The following TSR1 variants were observed in gnomAD, a reference collection of about 807,000 sequenced individuals.
TSR1 encodes the protein pre-rRNA-processing protein TSR1 homolog.
TSR1 carries 81 observed loss-of-function variants against 90.9 expected under a neutral mutation model. That is an observed-to-expected ratio of 0.89 (90% CI 0.74 to 1.07). The LOEUF is 1.07. Among genes scored for constraint, TSR1 ranks in the 50% least tolerant of loss-of-function variants. TSR1 has a pLI of 0.00. For synonymous variants in TSR1, 362 were observed against 348.8 expected (o/e 1.04, Z -0.42); for missense variants, 989 against 987.3 (o/e 1.00, Z -0.02).
At chr17:2,326,595 G>C (rs977542353) in intron 11 of TSR1, among the ~76,000 whole-genome samples, 7 of 152,092 alleles carry the variant, frequency 4.6e-5, no homozygotes, top group Non-Finnish European at 1.0e-4. Context: ...ATCTAGGCTA[G>C]ACTGTATTTG....
At position 2,324,783 on chromosome 17, in the gene TSR1, T is replaced by C; in HGVS notation, c.2067A>G (p.Pro689=). ...IATGHLMSVD[P]DRMVIKRVVL... ...CAACTCTCTTGATGACCATTCTGTC[T>C]GGATCTACTGACATAAGATGGCCTG... The change falls in exon 13 of 15, where the codon CCA becomes CCG. Residue 689 remains proline, a synonymous_variant. Transcript: ENST00000301364. 6.2e-7 allele frequency: 1 copy of C among 1,614,182 alleles called. No homozygotes were observed. Among genetic ancestry groups the C allele is most frequent in the Non-Finnish European group, 8.5e-7 (1 of 1,180,016 alleles).
rs1408580750 is a variant in TSR1 at position 2,336,390 on chromosome 17, T to C, written c.38A>G (p.Asn13Ser). ...AHRPGPLKQQ[N>S]KAHKGGRHRG... ...ATGCCGTCCGCCTTTATGAGCTTTA[T>C]TCTGCTGCTTGAGCGGGCCGGGGCG... Residue 13 changes from asparagine to serine, a missense_variant, in exon 1 of 15, where the codon AAT (asparagine) becomes AGT (serine). Coordinates refer to ENST00000301364, the MANE Select transcript of TSR1 (RefSeq NM_018128.5). The C allele has an allele frequency of 1.9e-6, 3 of 1,613,096 alleles. No homozygotes were observed. The highest frequency in any genetic ancestry group is 2.5e-6 in the Non-Finnish European group (3 of 1,180,042).
chr17:2,335,393 C>T lies in TSR1; in HGVS notation c.423G>A (p.Gly141=). ...CCATGTCTAACACAACGTGCAGATCCCCTGCAGATAGAAGACACAGTAAGA... is the reference window on the plus strand; with the variant it reads ...CCATGTCTAACACAACGTGCAGATCTCCTGCAGATAGAAGACACAGTAAGA... ...HRWFFTSARP[G]DLHVVLDMAK... is the part of the protein sequence containing the mutation. The change falls in exon 4 of 15, where the codon GGG becomes GGA. Residue 141 remains glycine, a splice_region_variant and synonymous_variant. Coordinates refer to ENST00000301364, the MANE Select transcript of TSR1 (RefSeq NM_018128.5). The T allele has an allele frequency of 6.2e-7, 1 of 1,613,318 alleles. No individual in the cohort carries two copies. Among genetic ancestry groups the T allele is most frequent in the Non-Finnish European group, 8.5e-7 (1 of 1,179,858 alleles).
chr17:2,327,890 TC>T (rs1944778664), intron 11 of TSR1, among the ~76,000 whole-genome samples: 2 of 152,040 alleles, frequency 1.3e-5, no homozygotes, highest in South Asian at 4.1e-4. Context: ...TTCCTTATTT[TC>T]CCAACTGTAT....
rs199693978 is a variant in TSR1 at position 2,324,397 on chromosome 17, C to T, written c.2237-23G>A. 7.8e-5 allele frequency: 124 copies of T among 1,592,480 alleles called. 1 individual carries two copies. In the African/African-American group the frequency reaches 1.0e-3, roughly 13 times the overall value. On this transcript the variant is annotated intron_variant, in intron 14 of 14. Coordinates refer to ENST00000301364, the MANE Select transcript of TSR1 (RefSeq NM_018128.5). ...TACCTAGAAAGACATCAGAACAAGT[C>T]GGTCAAATTAAAAGTAGAAAATTTT...
chr17:2,329,032 G>A (rs1162686419), intron 11 of TSR1: 2 of 506,108 alleles, frequency 4.0e-6, no homozygotes, highest in Non-Finnish European at 7.6e-6. Context: ...TTACAGGTGT[G>A]AACCACTGCA....
Position 2,336,084 on chromosome 17 carries a change from C to A in TSR1, c.154G>T (p.Asp52Tyr). The change falls in exon 2 of 15, where the codon GAC becomes TAC. Residue 52 changes from aspartate (D) to tyrosine (Y), a missense_variant. Asp to Tyr is a radical substitution (Grantham distance 160). Transcript: ENST00000301364. ...AGCTGGCTGGCGCGATGCCTCTGGT[C>A]GACTCTGCTGAGTTCTTTTCTCACC... ...KKVRKELSRVDQRHRASQLRK... is the reference protein window; with the variant it reads ...KKVRKELSRVYQRHRASQLRK... The A allele has an allele frequency of 5.0e-6, 8 of 1,614,204 alleles. No homozygotes were observed. Among genetic ancestry groups the A allele is most frequent in the Non-Finnish European group, 6.8e-6 (8 of 1,180,038 alleles).
intron 11 of TSR1, 28 bp downstream of exon 11, chr17:2,329,315 A>G (rs945155085): frequency 1.1e-5 from 18 of 1,612,930 alleles, no homozygotes; most frequent in Non-Finnish European, 1.4e-5. Flanking sequence ...GACAAGATGG[A>G]CAAGAACCCA....
In TSR1 at chr17:2,325,326, C is replaced by T. The variant is rs377350286; in HGVS notation, c.1998G>A (p.Leu666=). 5 of 1,612,372 alleles carry T rather than the reference C, an allele frequency of 3.1e-6. No individual in the cohort carries two copies. The African/African-American group carries it at 5.3e-5, about 17-fold the overall frequency. Residue 666 remains leucine, a synonymous_variant, in exon 12 of 15, where the codon CTG becomes CTA. Transcript: ENST00000301364. ...APITFPPASV[L]LFKQKSNGMH... is the part of the protein sequence containing the mutation. ...TACCATTGCTTTTTTGCTTGAAAAG[C>T]AGCACAGATGCAGGAGGAAAAGTGA...
At chr17:2,325,447 G>C (rs1283879045) in intron 11 of TSR1, 27 bp from the exon 12 acceptor site, 1 of 1,576,386 alleles carries the variant, frequency 6.3e-7, no homozygotes, top group Non-Finnish European at 8.7e-7. Context: ...AAAATGAAAA[G>C]CAAAACCATT....
chr17:2,333,477 T>C (rs2064022250), intron 6 of TSR1, 80 bp downstream of exon 6: 2 of 1,571,980 alleles, frequency 1.3e-6, no homozygotes. Flanking sequence ...CTCTATCCTA[T>C]AGGGCCCTCA....
chr17:2,335,537 C>G lies in TSR1; in HGVS notation c.395G>C (p.Arg132Pro), dbSNP rs113586274. ...TGGCCTTGCTGAGGTGAAAAACCAC[C>G]GATGTTTCAAGCGGGGGCACAGCAG... Reference protein sequence around the residue: ...FMLLCPRLKHRWFFTSARPGD... With the variant: ...FMLLCPRLKHPWFFTSARPGD... Residue 132 changes from arginine to proline, a missense_variant, in exon 3 of 15, where the codon CGG (arginine) becomes CCG (proline). Arg to Pro is a moderately radical substitution (Grantham distance 103, BLOSUM62 -2). Transcript: ENST00000301364. 3.7e-6 allele frequency: 6 copies of G among 1,613,902 alleles called. No individual in the cohort carries two copies. The African/African-American group carries it at 6.7e-5, about 18-fold the overall frequency.
chr17:2,336,122 G>C lies in TSR1; in HGVS notation c.116C>G (p.Thr39Ser). The change falls in exon 2 of 15, where the codon ACC (threonine) becomes AGC (serine). Residue 39 changes from threonine (T) to serine (S), a missense_variant. Thr to Ser is a moderately conservative substitution (Grantham distance 58). Transcript: ENST00000301364. ...RDGKGRLALK[T>S]LSKKVRKELS... ...TTCTTTTCTCACCTTCTTGCTTAGG[G>C]TTTTCAGTGCCAGACGGCCTGAATG... 1.9e-6 allele frequency: 3 copies of C among 1,614,218 alleles called. No homozygotes were observed. The highest frequency in any genetic ancestry group is 2.5e-6 in the Non-Finnish European group (3 of 1,180,044).
In TSR1 at chr17:2,334,894, G is replaced by A. The variant is rs1183864636; in HGVS notation, c.559C>T (p.Leu187=). 2.5e-6 allele frequency: 4 copies of A among 1,607,970 alleles called. No individual in the cohort carries two copies. Residue 187 remains leucine, a splice_region_variant and synonymous_variant, in exon 5 of 15, where the codon CTA becomes TTA. Coordinates refer to ENST00000301364, the MANE Select transcript of TSR1 (RefSeq NM_018128.5). ...AGGCCAGAAATCCCCTGGACAGCTA[G>A]TGCTGTAAGCGAAAGAGAAAACGCT... is the stretch of plus-strand genomic sequence containing the variant. The part of the protein sequence containing the change: ...LFAQGLPTYT[L]AVQGISGLPL...
At position 2,336,356 on chromosome 17, in the gene TSR1, C is replaced by T. The variant is rs1486890454; in HGVS notation, c.72G>A (p.Arg24=). 5.0e-6 allele frequency: 8 copies of T among 1,613,990 alleles called. No individual in the cohort carries two copies. Among genetic ancestry groups the T allele is most frequent in the Admixed American group, 3.3e-5 (2 of 60,032 alleles). Residue 24 remains arginine (R), a synonymous_variant, in exon 1 of 15, where the codon CGG becomes CGA. Transcript: ENST00000301364. The part of the protein sequence containing the change: ...KAHKGGRHRG[R]GSAQRDGKGR... ...CCTTGCCGTCCCGCTGTGCAGATCC[C>T]CGACCCCGATGCCGTCCGCCTTTAT...
intron 1 of TSR1, 43 bp from the exon 2 acceptor site, chr17:2,336,183 A>AG (rs764591099): frequency 1.9e-5 from 30 of 1,607,012 alleles, no homozygotes; most frequent in Non-Finnish European, 6.8e-6. Context: ...CGGCCCCACA[A>AG]GGTCAAGAAA....
chr17:2,323,600 G>A lies in TSR1; in HGVS notation c.*596C>T. The A allele has an allele frequency of 6.3e-7, 1 of 1,575,988 alleles. No homozygotes were observed. The highest frequency in any genetic ancestry group is 8.7e-7 in the Non-Finnish European group (1 of 1,147,256). ...CACGTATTCTCATCTGAACTTTATA[G>A]GTAAACCAACTAGACTCCCCTTTCA... On this transcript the variant is annotated 3_prime_UTR_variant, in exon 15 of 15. Coordinates refer to ENST00000301364, the MANE Select transcript of TSR1 (RefSeq NM_018128.5).
intron 11 of TSR1, among the ~76,000 whole-genome samples, chr17:2,328,568 A>G (rs1398675451): frequency 2.0e-5 from 3 of 149,134 alleles, no homozygotes; most frequent in African/African-American, 7.4e-5. Context: ...CAGCCTGGGC[A>G]ACGGAGTAAG....
rs147659060 is a variant in TSR1 at position 2,323,149 on chromosome 17, G to A, written c.*1047C>T. The A allele has an allele frequency of 5.0e-6, 8 of 1,614,068 alleles. No homozygotes were observed. In the African/African-American group the frequency reaches 6.7e-5, roughly 13 times the overall value. ...TCCTCTTCCCAGGCTCTGAAACCTA[G>A]TGTGAAGGTATATGCTGCTGAACCC... On this transcript the variant is annotated 3_prime_UTR_variant, in exon 15 of 15. Transcript: ENST00000301364.
Sources: gnomAD v4.1 joint callset for allele counts (sites outside exome capture counted in the v4.1 genomes callset) on GRCh38, gnomAD v4.1.1 for gene constraint, MANE v1.5 for transcripts, NCBI Gene and HGNC (gene_info 2026-07-23, HGNC 2026-07-21) for gene names.